SYNE1: variants seen among roughly 807,000 people sequenced by gnomAD.
SYNE1 encodes the protein spectrin repeat containing nuclear envelope protein 1.
In SYNE1, 616 loss-of-function variants were observed where a neutral mutation model predicts 1,111.0. The ratio of observed to expected loss-of-function variants is 0.55; its 90% CI spans 0.52 to 0.59. The LOEUF (loss-of-function observed/expected upper bound fraction) is 0.59. Ranked by LOEUF, SYNE1 falls within the 20% of genes least tolerant of loss-of-function variation. The probability of loss-of-function intolerance (pLI) is 0.00; values close to 1 mark genes in which losing one functional copy is unlikely to be tolerated. For missense variants in SYNE1, 10,006 were observed against 10,417.0 expected, an observed-to-expected ratio of 0.96 and a Z score of 1.72; for synonymous variants, 3,855 against 3,825.8, an observed-to-expected ratio of 1.01 and a Z score of -0.28.
intron 112 of SYNE1, among the ~76,000 whole-genome samples, chr6:152,232,909 C>T (rs1315335148): frequency 2.6e-5 from 4 of 152,148 alleles, no homozygotes; most frequent in East Asian, 1.9e-4. Flanking sequence ...TAGCAATGAA[C>T]GTGGGTTGGT....
intron 91 of SYNE1, among the ~76,000 whole-genome samples, chr6:152,306,801 G>T (rs78871092): frequency 0.098 from 14,737 of 150,214 alleles, 1,025 homozygotes; most frequent in Admixed American, 0.24. Flanking sequence ...TGGGAGGACT[G>T]CCTGAACCCA....
chr6:152,602,210 C>G (rs2099597837), intron 3 of SYNE1, among the ~76,000 whole-genome samples: 1 of 152,086 alleles, frequency 6.6e-6, no homozygotes, highest in African/African-American at 2.4e-5. Context: ...AGAATGTGAC[C>G]TTATTTAGAG....
Position 152,326,391 on chromosome 6 carries a change from G to T in SYNE1, c.15198C>A (p.Thr5066=), listed in dbSNP as rs370314344. ...CTTTCTGTTCTAGGTCTTCTTTGCCGGTTGGCTTGATGAGTGGGTCCAGGG... is the reference window on the plus strand; with the variant it reads ...CTTTCTGTTCTAGGTCTTCTTTGCCTGTTGGCTTGATGAGTGGGTCCAGGG... ...VATLDPLIKP[T]GKEDLEQKVA... is the part of the protein sequence containing the mutation. Residue 5066 remains threonine (T), a synonymous_variant, in exon 79 of 146, where the codon ACC becomes ACA. Coordinates refer to ENST00000367255, the MANE Select transcript of SYNE1 (RefSeq NM_182961.4). The T allele has an allele frequency of 5.6e-6, 9 of 1,614,156 alleles. No individual in the cohort carries two copies. The East Asian group carries it at 1.1e-4, about 20-fold the overall frequency.
At chr6:152,461,449 G>T in intron 21 of SYNE1, 148 bp downstream of exon 21, 2 of 960,206 alleles carry the variant, frequency 2.1e-6, no homozygotes, top group Admixed American at 2.2e-5. Flanking sequence ...TTTAATTCAT[G>T]ACAAAGTTAC....
intron 4 of SYNE1, among the ~76,000 whole-genome samples, chr6:152,536,687 T>C (rs1308326204): frequency 6.6e-6 from 1 of 151,570 alleles, no homozygotes; most frequent in Non-Finnish European, 1.5e-5. Flanking sequence ...TCCCTATATC[T>C]GTGAATAATC....
intron 100 of SYNE1, among the ~76,000 whole-genome samples, chr6:152,264,663 G>T (rs1213404492): frequency 6.6e-6 from 1 of 152,080 alleles, no homozygotes; most frequent in Non-Finnish European, 1.5e-5. Context: ...AGCCAGGCAT[G>T]GTGGTACATG....
Position 152,488,457 on chromosome 6 carries a change from T to C in SYNE1, c.986A>G (p.Gln329Arg). 1 of 1,609,540 alleles carries C rather than the reference T, an allele frequency of 6.2e-7. No individual in the cohort carries two copies. Among genetic ancestry groups the C allele is most frequent in the African/African-American group, 1.3e-5 (1 of 74,976 alleles). Residue 329 changes from glutamine to arginine, a missense_variant, in exon 12 of 146, where the codon CAA becomes CGA. By Grantham distance (43) the Gln-to-Arg change is conservative (BLOSUM62 1). Transcript: ENST00000367255. ...IFKEMKVWIE[Q>R]FERDLTRAQM... is the part of the protein sequence containing the mutation. Reference sequence around the variant, plus strand: ...TGCTCTTGTCAAATCTCTCTCAAATTGTTCTATCCAAACTTTCATTTCCTT... The same window carrying C: ...TGCTCTTGTCAAATCTCTCTCAAATCGTTCTATCCAAACTTTCATTTCCTT...
At position 152,425,485 on chromosome 6, in the gene SYNE1, T is replaced by C. The variant is rs1038864214; in HGVS notation, c.5163A>G (p.Glu1721=). 6.2e-7 allele frequency: 1 copy of C among 1,614,192 alleles called. No individual in the cohort carries two copies. Among genetic ancestry groups the C allele is most frequent in the Non-Finnish European group, 8.5e-7 (1 of 1,180,026 alleles). The part of the protein sequence containing the change: ...SFYSKLLQLK[E]SLFSVASKDD... ...CTTTGGAGGCTACTGAGAACAATGATTCCTTCAATTGCAAAAGTTTGCTAT... is the reference window on the plus strand; with the variant it reads ...CTTTGGAGGCTACTGAGAACAATGACTCCTTCAATTGCAAAAGTTTGCTAT... Residue 1721 remains glutamate, a synonymous_variant, in exon 39 of 146, where the codon GAA becomes GAG. Coordinates refer to ENST00000367255, the MANE Select transcript of SYNE1 (RefSeq NM_182961.4).
chr6:152,176,573 T>C lies in SYNE1; in HGVS notation c.23461-13A>G. 2 of 1,613,614 alleles carry C rather than the reference T, an allele frequency of 1.2e-6. No homozygotes were observed. The highest frequency in any genetic ancestry group is 1.7e-4 in the Middle Eastern group (1 of 6,058). On this transcript the variant is annotated splice_polypyrimidine_tract_variant and intron_variant, in intron 129 of 145. Transcript: ENST00000367255. Reference sequence around the variant, plus strand: ...CCTCTTGATAATCCTGTGTAATAAATAGCAATCACAGAGGTCAGAAAGCAT... The same window carrying C: ...CCTCTTGATAATCCTGTGTAATAAACAGCAATCACAGAGGTCAGAAAGCAT...
chr6:152,423,437 C>G (rs1563912182), intron 39 of SYNE1, among the ~76,000 whole-genome samples: 1 of 152,188 alleles, frequency 6.6e-6, no homozygotes, highest in Admixed American at 6.5e-5. Context: ...TCCCCCCACT[C>G]CTCCCTCCCC....
chr6:152,286,370 G>A (rs2153741140), intron 95 of SYNE1, among the ~76,000 whole-genome samples: 1 of 152,252 alleles, frequency 6.6e-6, no homozygotes, highest in African/African-American at 2.4e-5. Context: ...GAGCTTTATA[G>A]AAATGGAGTC....
At chr6:152,390,222 A>G in intron 53 of SYNE1, 58 bp downstream of exon 53, 14 of 1,597,226 alleles carry the variant, frequency 8.8e-6, no homozygotes, top group Non-Finnish European at 1.2e-5. Flanking sequence ...GTACTGCTCC[A>G]TCATTTTACT....
intron 76 of SYNE1, 58 bp from the exon 77 acceptor site, chr6:152,334,331 TAG>T (rs1281968795): frequency 6.3e-7 from 1 of 1,590,046 alleles, no homozygotes; most frequent in African/African-American, 1.3e-5. Flanking sequence ...CAAATAAATA[TAG>T]AGAGCAACAC....
At chr6:152,406,915 T>C in intron 45 of SYNE1, 99 bp downstream of exon 45, 1 of 902,086 alleles carries the variant, frequency 1.1e-6, no homozygotes. Context: ...AAAATAAAAG[T>C]TAAAAGAAGA....
intron 100 of SYNE1, among the ~76,000 whole-genome samples, chr6:152,264,869 T>A (rs2153661416): frequency 6.6e-6 from 1 of 152,008 alleles, no homozygotes; most frequent in Middle Eastern, 3.4e-3. Flanking sequence ...AGAGAATCTT[T>A]CCCATCTGAG....
intron 34 of SYNE1, among the ~76,000 whole-genome samples, chr6:152,431,356 GCT>G: frequency 6.6e-6 from 1 of 152,196 alleles, no homozygotes; most frequent in East Asian, 1.9e-4. Context: ...TGCTGAGGCT[GCT>G]GATCCAGGGA....
intron 33 of SYNE1, chr6:152,434,391 G>T: frequency 6.1e-6 from 1 of 165,204 alleles, no homozygotes. Context: ...GCTTTCTATA[G>T]AAATACCTTT....
At chr6:152,327,025 G>C (rs2096085461) in intron 78 of SYNE1, among the ~76,000 whole-genome samples, 1 of 152,142 alleles carries the variant, frequency 6.6e-6, no homozygotes, top group African/African-American at 2.4e-5. Flanking sequence ...AGGCGTGCTG[G>C]CTCATGACTG....
rs775280893 is a variant in SYNE1 at position 152,362,146 on chromosome 6, T to C, written c.10299+24A>G. ...CTAAAGAAGCCTGTGAGAAAACACA[T>C]GGAATCTGAAATCCAGCTCTCACCT... is the stretch of plus-strand genomic sequence containing the variant. On this transcript the variant is annotated intron_variant, in intron 64 of 145. Transcript: ENST00000367255. The C allele has an allele frequency of 1.7e-5, 27 of 1,614,180 alleles. No individual in the cohort carries two copies. In the East Asian group the frequency reaches 4.9e-4, roughly 29 times the overall value.
Sources: gnomAD v4.1 joint callset for allele counts (sites outside exome capture counted in the v4.1 genomes callset) on GRCh38, gnomAD v4.1.1 for gene constraint, MANE v1.5 for transcripts, NCBI Gene and HGNC (gene_info 2026-07-23, HGNC 2026-07-21) for gene names.